PRKCE: variants seen among roughly 807,000 people sequenced by gnomAD.
PRKCE encodes the protein protein kinase C epsilon.
A neutral mutation model predicts 85.4 loss-of-function variants in PRKCE; 16 were observed. That is an observed-to-expected ratio of 0.19 (90% CI 0.13 to 0.28). The LOEUF (loss-of-function observed/expected upper bound fraction) is 0.28, where lower values mean the gene tolerates loss of function less well. Among genes scored for constraint, PRKCE ranks in the 10% least tolerant of loss-of-function variants. PRKCE has a pLI of 1.00. For synonymous variants in PRKCE, 388 were observed against 371.5 expected (o/e 1.04, Z -0.51); for missense variants, 573 against 975.2 (o/e 0.59, Z 5.49).
intron 10 of PRKCE, among the ~76,000 whole-genome samples, chr2:46,023,031 C>T (rs935187892): frequency 3.5e-4 from 51 of 145,818 alleles, no homozygotes; most frequent in African/African-American, 1.1e-3. Context: ...TGCAGTGAGC[C>T]GAGATTGCGC....
At chr2:46,095,180 G>A (rs923409682) in intron 11 of PRKCE, among the ~76,000 whole-genome samples, 1 of 152,176 alleles carries the variant, frequency 6.6e-6, no homozygotes, top group Non-Finnish European at 1.5e-5. Flanking sequence ...GACTAATCTG[G>A]GTGGCCCACT....
intron 9 of PRKCE, 88 bp downstream of exon 9, chr2:46,007,749 C>A (rs951871783): frequency 2.2e-6 from 3 of 1,390,026 alleles, no homozygotes; most frequent in Non-Finnish European, 2.9e-6. Context: ...AGAGAGGAAC[C>A]TTTCAGCCTG....
At chr2:45,829,835 A>G (rs577048901) in intron 1 of PRKCE, among the ~76,000 whole-genome samples, 1 of 152,042 alleles carries the variant, frequency 6.6e-6, no homozygotes, top group East Asian at 1.9e-4. Flanking sequence ...GCACTTTGGG[A>G]GGCCGAGGCG....
intron 10 of PRKCE, among the ~76,000 whole-genome samples, chr2:46,017,550 C>T (rs1029071207): frequency 1.3e-5 from 2 of 152,160 alleles, no homozygotes; most frequent in South Asian, 4.1e-4. Flanking sequence ...ACTTTCAATT[C>T]TTTTAGCTAT....
chr2:46,063,228 A>G (rs544698854), intron 10 of PRKCE, among the ~76,000 whole-genome samples: 4 of 152,166 alleles, frequency 2.6e-5, no homozygotes, highest in Non-Finnish European at 5.9e-5. Context: ...GAGGAGACAA[A>G]GGACCTAAAA....
intron 2 of PRKCE, among the ~76,000 whole-genome samples, chr2:45,899,140 T>C (rs1282095863): frequency 6.6e-6 from 1 of 152,192 alleles, no homozygotes; most frequent in Non-Finnish European, 1.5e-5. Flanking sequence ...GAGACTGAGC[T>C]TTGGCTGGTG....
rs1424535159 is a variant in PRKCE, at chr2:45,847,473, T to C, written c.412+4410T>C. On this transcript the variant is annotated intron_variant, in intron 2 of 14. Coordinates refer to ENST00000306156, the MANE Select transcript of PRKCE (RefSeq NM_005400.3). The stretch of plus-strand genomic sequence containing the variant: ...AACCTCTTCTGGACTTTTTTCAAGT[T>C]GCACAGGCAGACGTGATCAAACCAG... Among the ~76,000 whole-genome samples the C allele has an allele frequency of 2.0e-5, 3 of 152,374 alleles. No homozygotes were observed. In the East Asian group the frequency reaches 5.8e-4, roughly 29 times the overall value.
intron 11 of PRKCE, among the ~76,000 whole-genome samples, chr2:46,104,198 C>T (rs1671496978): frequency 6.6e-6 from 1 of 152,084 alleles, no homozygotes; most frequent in South Asian, 2.1e-4. Context: ...TGGAAGCCTT[C>T]GTCTCCATCA....
intron 2 of PRKCE, among the ~76,000 whole-genome samples, chr2:45,958,530 A>G (rs1701137314): frequency 6.7e-6 from 1 of 148,756 alleles, no homozygotes; most frequent in Admixed American, 6.7e-5. Context: ...AAAAAGAAAG[A>G]AAATCAAAAC....
intron 1 of PRKCE, among the ~76,000 whole-genome samples, chr2:45,679,387 A>G (rs530003414): frequency 8.5e-5 from 13 of 152,198 alleles, no homozygotes; most frequent in South Asian, 2.1e-4. Context: ...TCAATTCACA[A>G]ATTTTTATAG....
intron 1 of PRKCE, among the ~76,000 whole-genome samples, chr2:45,788,541 C>CCTCTCTCATCCTTTCT (rs1269856369): frequency 6.6e-6 from 1 of 152,182 alleles, no homozygotes. Flanking sequence ...TTCTACACAG[C>CCTCTCTCATCCTTTCT]CTCTCTCATC....
intron 10 of PRKCE, among the ~76,000 whole-genome samples, chr2:46,020,272 A>C (rs1706537891): frequency 6.6e-6 from 1 of 151,856 alleles, no homozygotes; most frequent in African/African-American, 2.4e-5. Flanking sequence ...CGCACCACCT[A>C]CTCCACCTGG....
At chr2:45,978,745 C>T (rs1702654166) in intron 3 of PRKCE, 1 of 519,032 alleles carries the variant, frequency 1.9e-6, no homozygotes, top group South Asian at 2.4e-5. Context: ...GGAAATCAAG[C>T]TCTGATGCTG....
intron 7 of PRKCE, among the ~76,000 whole-genome samples, chr2:46,002,813 G>A (rs928392408): frequency 6.6e-6 from 1 of 152,218 alleles, no homozygotes; most frequent in South Asian, 2.1e-4. Flanking sequence ...TCATGACAAC[G>A]TTATGCAAAC....
chr2:46,105,126 G>A (rs190249455), intron 11 of PRKCE, among the ~76,000 whole-genome samples: 4 of 151,856 alleles, frequency 2.6e-5, no homozygotes, highest in Admixed American at 1.3e-4. Flanking sequence ...GAGTTTGTCC[G>A]CTGCTTCTTG....
intron 1 of PRKCE, among the ~76,000 whole-genome samples, chr2:45,711,269 C>A (rs1679610450): frequency 6.6e-6 from 1 of 152,208 alleles, no homozygotes; most frequent in African/African-American, 2.4e-5. Flanking sequence ...GAGTAATAGA[C>A]AACAGCTGCA....
chr2:45,839,789 A>C (rs1691197854), intron 1 of PRKCE, among the ~76,000 whole-genome samples: 1 of 152,256 alleles, frequency 6.6e-6, no homozygotes, highest in Admixed American at 6.5e-5. Flanking sequence ...ATGGATTCTC[A>C]GAGCTTCCTC....
intron 2 of PRKCE, among the ~76,000 whole-genome samples, chr2:45,929,870 C>T (rs562269128): frequency 1.1e-4 from 16 of 152,284 alleles, no homozygotes; most frequent in African/African-American, 3.9e-4. Context: ...CCTGCATTTC[C>T]TGTAGAACAT....
At chr2:45,665,008 C>G (rs1010054684) in intron 1 of PRKCE, among the ~76,000 whole-genome samples, 1 of 152,214 alleles carries the variant, frequency 6.6e-6, no homozygotes, top group East Asian at 1.9e-4. Context: ...GAGAGCAAAG[C>G]TTTGCTTTCC....
Sources: allele counts gnomAD v4.1 joint callset (sites outside exome capture counted in the v4.1 genomes callset), GRCh38; gene constraint gnomAD v4.1.1; transcripts MANE v1.5; gene names NCBI Gene and HGNC (gene_info 2026-07-23, HGNC 2026-07-21).